The following DNAH17 variants were observed in gnomAD, a reference collection of about 807,000 sequenced individuals.
The protein encoded by DNAH17 is axonemal beta dynein heavy chain 17.
In DNAH17, 376 loss-of-function variants were observed where a neutral mutation model predicts 485.6. That is an observed-to-expected ratio of 0.77 (90% CI 0.71 to 0.84). The LOEUF (loss-of-function observed/expected upper bound fraction) is 0.84, where lower values mean the gene tolerates loss of function less well. DNAH17 is among the 40% of genes least tolerant of loss of function. DNAH17 has a pLI of 0.00. For synonymous variants in DNAH17, 3,031 were observed against 2,405.9 expected (o/e 1.26, Z -7.60); for missense variants, 6,370 against 5,839.3 (o/e 1.09, Z -2.96).
chr17:78,439,256 TAAATG>T (rs1490473851), intron 72 of DNAH17, 39 bp from the exon 73 acceptor site: 2 of 1,582,952 alleles, frequency 1.3e-6, no homozygotes, highest in Non-Finnish European at 1.7e-6. Context: ...ACCACGTAAT[TAAATG>T]ACACAGGTTC....
chr17:78,479,618 C>G lies in DNAH17; in HGVS notation c.7767G>C (p.Val2589=). The G allele has an allele frequency of 1.2e-6, 2 of 1,613,256 alleles. 1 individual carries two copies. The highest frequency in any genetic ancestry group is 3.3e-4 in the Middle Eastern group (2 of 6,042). The change falls in exon 50 of 81, where the codon GTG becomes GTC. Residue 2589 remains valine (V), a synonymous_variant. Coordinates refer to ENST00000389840, the MANE Select transcript of DNAH17 (RefSeq NM_173628.4). ...IDSRLQRHFC[V]FAVSFPGQEA... The stretch of plus-strand genomic sequence containing the variant: ...CCTGGCCGGGGAAGCTCACAGCAAA[C>G]ACGCAGAAATGGCGCTACCCCAAAA...
chr17:78,444,474 T>C (rs2087196299), intron 71 of DNAH17, 130 bp downstream of exon 71: 1 of 855,682 alleles, frequency 1.2e-6, no homozygotes, highest in African/African-American at 1.7e-5. Flanking sequence ...CGTTTCTGTG[T>C]AAAATGGGGA....
chr17:78,489,860 CGGATGGAT>C (rs1048173421), intron 44 of DNAH17: 2 of 126,952 alleles, frequency 1.6e-5, no homozygotes, highest in African/African-American at 3.0e-5. Flanking sequence ...GGTGGGTGGG[CGGATGGAT>C]GGATGGATGG....
chr17:78,505,168 G>A (rs2090446400), intron 31 of DNAH17, 125 bp downstream of exon 31: 11 of 1,264,916 alleles, frequency 8.7e-6, no homozygotes, highest in Non-Finnish European at 1.2e-5. Context: ...GAGGAGAGGA[G>A]CAGGGGCGGG....
rs2045750535 is a variant in DNAH17, at chr17:78,508,961, G to A, written c.4237-1156C>T. On this transcript the variant is annotated intron_variant, in intron 27 of 80. Transcript: ENST00000389840. Reference sequence around the variant, plus strand: ...GGACTACAGGTGTGTGTCATCATGTGCCCAGCTGTTTTTTTTTTTTTTTGA... The same window carrying A: ...GGACTACAGGTGTGTGTCATCATGTACCCAGCTGTTTTTTTTTTTTTTTGA... Among the ~76,000 whole-genome samples the A allele has an allele frequency of 2.2e-5, 3 of 134,850 alleles. No homozygotes were observed. The South Asian group carries it at 7.2e-4, about 32-fold the overall frequency. The allele number at this position is 134,850 out of a possible 152,430, so 88.5% of individuals were successfully genotyped here. A position where few individuals can be genotyped will look rare whatever the true frequency, so the allele number is the denominator to read the frequency against.
At chr17:78,434,368 TC>T in intron 74 of DNAH17, 148 bp from the exon 75 acceptor site, 1 of 651,658 alleles carries the variant, frequency 1.5e-6, no homozygotes, top group Non-Finnish European at 2.5e-6. Context: ...TGTGCAGGTC[TC>T]TATCAGACCC....
chr17:78,502,486 CG>C, intron 33 of DNAH17, 104 bp downstream of exon 33: 1 of 1,121,622 alleles, frequency 8.9e-7, no homozygotes, highest in South Asian at 1.7e-5. Context: ...GAGAAGAAGC[CG>C]CTCCAGGTAC....
chr17:78,474,761 T>G (rs937792201), intron 54 of DNAH17, among the ~76,000 whole-genome samples: 4 of 147,432 alleles, frequency 2.7e-5, no homozygotes, highest in Admixed American at 1.3e-4. Context: ...ACCCTTTACC[T>G]CAGTCACGCG....
At chr17:78,554,034 A>G (rs760125292) in intron 14 of DNAH17, among the ~76,000 whole-genome samples, 12 of 152,130 alleles carry the variant, frequency 7.9e-5, no homozygotes, top group Non-Finnish European at 1.3e-4. Flanking sequence ...AGCTCCAGCC[A>G]TCTTCCCACT....
In DNAH17 at chr17:78,440,868, G is replaced by A. The variant is rs114970556; in HGVS notation, c.11677+183C>T. On this transcript the variant is annotated intron_variant, in intron 72 of 80. Transcript: ENST00000389840. ...ATCCGCTCAGCAACCTACAAGGGTCGCAGTTCTCAGGCCTCACAACTCGTG... is the reference window on the plus strand; with the variant it reads ...ATCCGCTCAGCAACCTACAAGGGTCACAGTTCTCAGGCCTCACAACTCGTG... Among the ~76,000 whole-genome samples the A allele has an allele frequency of 5.7e-3, 866 of 152,296 alleles. 6 individuals are homozygous for A. Among genetic ancestry groups the A allele is most frequent in the African/African-American group, 0.02 (834 of 41,548 alleles).
rs766365703 is a variant in DNAH17 at position 78,558,076 on chromosome 17, G to A, written c.2178+32C>T. 25 of 1,579,610 alleles carry A rather than the reference G, an allele frequency of 1.6e-5. No individual in the cohort carries two copies. In the South Asian group the frequency reaches 1.7e-4, roughly 11 times the overall value. On this transcript the variant is annotated intron_variant, in intron 14 of 80. Transcript: ENST00000389840. ...CAAAAAACCAAAACAATACAAAGCTGCATCAGGAATAGTACCGACTCACCA... is the reference window on the plus strand; with the variant it reads ...CAAAAAACCAAAACAATACAAAGCTACATCAGGAATAGTACCGACTCACCA...
chr17:78,424,189 GC>G, intron 80 of DNAH17, 36 bp from the exon 81 acceptor site: 1 of 1,577,746 alleles, frequency 6.3e-7, no homozygotes, highest in East Asian at 2.2e-5. Context: ...CAGGTGTGCT[GC>G]CAGTAAGTGA....
At chr17:78,547,832 G>T (rs1213608201) in intron 16 of DNAH17, among the ~76,000 whole-genome samples, 6 of 151,576 alleles carry the variant, frequency 4.0e-5, no homozygotes, top group Non-Finnish European at 7.4e-5. Context: ...GGGCCAGGCT[G>T]GTCTTGAACT....
chr17:78,484,978 G>A lies in DNAH17; in HGVS notation c.7539C>T (p.Gly2513=). The A allele has an allele frequency of 1.9e-6, 3 of 1,613,462 alleles. No homozygotes were observed. Among genetic ancestry groups the A allele is most frequent in the Non-Finnish European group, 2.5e-6 (3 of 1,179,682 alleles). The change falls in exon 48 of 81, where the codon GGC becomes GGT. Residue 2513 remains glycine (G), a synonymous_variant. Transcript: ENST00000389840. The part of the protein sequence containing the change: ...KKSGRNYGPP[G]TKKLVYFIDD... ...CGATGAAGTAGACGAGCTTCTTAGT[G>A]CCTGGCGGCCCGTAGTTCCTCCCCG...
intron 16 of DNAH17, among the ~76,000 whole-genome samples, chr17:78,551,179 C>T (rs560305521): frequency 7.2e-5 from 11 of 152,322 alleles, no homozygotes; most frequent in African/African-American, 2.4e-4. Flanking sequence ...CCCAGTGCTC[C>T]GGAAGGAGCT....
chr17:78,507,836 G>A (rs1411244735), intron 27 of DNAH17, 31 bp from the exon 28 acceptor site: 3 of 1,501,450 alleles, frequency 2.0e-6, no homozygotes, highest in Middle Eastern at 1.7e-4. Flanking sequence ...TAAGGTCACT[G>A]AGCATTTGGC....
intron 42 of DNAH17, 60 bp from the exon 43 acceptor site, chr17:78,491,630 C>T: frequency 6.4e-7 from 1 of 1,564,606 alleles, no homozygotes; most frequent in Non-Finnish European, 8.7e-7. Flanking sequence ...CCAGTCCCCA[C>T]CAGTCCTGAC....
At chr17:78,525,734 C>T (rs2091051451) in intron 24 of DNAH17, among the ~76,000 whole-genome samples, 3 of 152,342 alleles carry the variant, frequency 2.0e-5, no homozygotes, top group Middle Eastern at 6.8e-3. Context: ...TCCACAGCTC[C>T]CCTTGGATGG....
intron 54 of DNAH17, among the ~76,000 whole-genome samples, chr17:78,470,950 A>G (rs1166537226): frequency 1.3e-5 from 2 of 152,242 alleles, no homozygotes; most frequent in East Asian, 3.8e-4. Context: ...AGCATTTTAC[A>G]GAGCAGTAGG....
Sources: gnomAD v4.1 joint callset for allele counts (sites outside exome capture counted in the v4.1 genomes callset) on GRCh38, gnomAD v4.1.1 for gene constraint, MANE v1.5 for transcripts, NCBI Gene and HGNC (gene_info 2026-07-23, HGNC 2026-07-21) for gene names.